Variants in RAB11FIP4 observed in about 807,000 individuals in gnomAD.
RAB11FIP4 encodes the protein rab11 family-interacting protein 4.
RAB11FIP4 carries 23 observed loss-of-function variants against 74.3 expected under a neutral mutation model. The ratio of observed to expected loss-of-function variants is 0.31; its 90% CI spans 0.22 to 0.44. The LOEUF (loss-of-function observed/expected upper bound fraction) is 0.44, where lower values mean the gene tolerates loss of function less well. Among genes scored for constraint, RAB11FIP4 ranks in the 20% least tolerant of loss-of-function variants. The probability of loss-of-function intolerance (pLI) is 1.00; values close to 1 mark genes in which losing one functional copy is unlikely to be tolerated. For missense variants in RAB11FIP4, 630 were observed against 863.9 expected, an observed-to-expected ratio of 0.73 and a Z score of 3.39; for synonymous variants, 360 against 359.9, an observed-to-expected ratio of 1.00 and a Z score of 0.00.
chr17:31,396,193 A>AAAAAAAAAG (rs1232681689), intron 1 of RAB11FIP4, among the ~76,000 whole-genome samples: 1 of 124,762 alleles, frequency 8.0e-6, no homozygotes, highest in African/African-American at 2.5e-5. Flanking sequence ...CAAAAAAAAA[A>AAAAAAAAAG]AAAAGAAAAG....
chr17:31,421,918 G>A (rs1255153766), intron 1 of RAB11FIP4, among the ~76,000 whole-genome samples: 2 of 152,184 alleles, frequency 1.3e-5, no homozygotes, highest in Non-Finnish European at 1.5e-5. Flanking sequence ...TGTGGCTCAT[G>A]CCTGTAATCC....
At chr17:31,421,401 T>C (rs747738438) in intron 1 of RAB11FIP4, among the ~76,000 whole-genome samples, 8 of 151,826 alleles carry the variant, frequency 5.3e-5, no homozygotes, top group Non-Finnish European at 1.0e-4. Context: ...GTATTGTTAG[T>C]AGAGATGGGG....
chr17:31,467,359 T>C (rs2071695662), intron 3 of RAB11FIP4, among the ~76,000 whole-genome samples: 1 of 152,144 alleles, frequency 6.6e-6, no homozygotes, highest in South Asian at 2.1e-4. Flanking sequence ...CCTCAGGTGA[T>C]CTGCCCGCCT....
At chr17:31,491,027 G>T (rs372957915) in intron 3 of RAB11FIP4, among the ~76,000 whole-genome samples, 1 of 152,218 alleles carries the variant, frequency 6.6e-6, no homozygotes, top group Non-Finnish European at 1.5e-5. Context: ...CACTGGCCTC[G>T]AAGATCAATG....
At chr17:31,418,661 T>C (rs2071171075) in intron 1 of RAB11FIP4, among the ~76,000 whole-genome samples, 1 of 152,048 alleles carries the variant, frequency 6.6e-6, no homozygotes, top group Non-Finnish European at 1.5e-5. Flanking sequence ...GACAGGGTTT[T>C]GCCATGTTGC....
intron 1 of RAB11FIP4, among the ~76,000 whole-genome samples, chr17:31,404,157 T>C (rs1056092660): frequency 3.3e-5 from 5 of 152,242 alleles, no homozygotes; most frequent in African/African-American, 1.2e-4. Context: ...CCAGGCTGTG[T>C]GGGGCTGAGT....
intron 3 of RAB11FIP4, among the ~76,000 whole-genome samples, chr17:31,439,787 TTTTGTTTG>T (rs983386327): frequency 4.6e-5 from 7 of 151,998 alleles, no homozygotes; most frequent in African/African-American, 1.2e-4. Flanking sequence ...ATTTTTGTTT[TTTTGTTTG>T]TTTGTTTGTT....
chr17:31,415,630 C>T (rs948020280), intron 1 of RAB11FIP4, among the ~76,000 whole-genome samples: 2 of 152,170 alleles, frequency 1.3e-5, no homozygotes, highest in Non-Finnish European at 2.9e-5. Context: ...TAATGTTATC[C>T]AGTGCTGTCA....
rs373064044 is a variant in RAB11FIP4, at chr17:31,406,813, C to G, written c.159+14802C>G. 3.9e-5 allele frequency among the ~76,000 whole-genome samples: 6 copies of G among 152,164 alleles called. No individual in the cohort carries two copies. In the East Asian group the frequency reaches 9.6e-4, roughly 24 times the overall value. ...TTCTTGCTCTGTTGCTTTCCTCTTTCTCTCTGTTAATCATATCTTATTGCT... is the reference window on the plus strand; with the variant it reads ...TTCTTGCTCTGTTGCTTTCCTCTTTGTCTCTGTTAATCATATCTTATTGCT... On this transcript the variant is annotated intron_variant, in intron 1 of 14. Transcript: ENST00000621161.
At position 31,523,521 on chromosome 17, in the gene RAB11FIP4, G is replaced by T; in HGVS notation, c.939G>T (p.Met313Ile). 6.2e-7 allele frequency: 1 copy of T among 1,613,804 alleles called. No individual in the cohort carries two copies. Among genetic ancestry groups the T allele is most frequent in the Non-Finnish European group, 8.5e-7 (1 of 1,179,766 alleles). The change falls in exon 8 of 15, where the codon ATG becomes ATT. Residue 313 changes from methionine (M) to isoleucine (I), a missense_variant. Physicochemically the swap from Met to Ile is conservative, Grantham distance 10. Coordinates refer to ENST00000621161, the MANE Select transcript of RAB11FIP4 (RefSeq NM_032932.6). ...ISSTAFGRQL[M>I]HSSNFSSSNG... ...CCTCCCACCCCTGCAGGCAGCTCAT[G>T]CACAGCAGCAACTTCAGCAGCAGCA...
In RAB11FIP4 at chr17:31,522,367, C is replaced by G; in HGVS notation, c.901C>G (p.Arg301Gly). 1 of 1,614,002 alleles carries G rather than the reference C, an allele frequency of 6.2e-7. No individual in the cohort carries two copies. Among genetic ancestry groups the G allele is most frequent in the Non-Finnish European group, 8.5e-7 (1 of 1,179,930 alleles). Reference sequence around the variant, plus strand: ...TTTCCTTTCTCTCTCTAGCCCCAACCGAAAGATCTCCAGCACGGCCTTTGG... The same window carrying G: ...TTTCCTTTCTCTCTCTAGCCCCAACGGAAAGATCTCCAGCACGGCCTTTGG... ...LKNLKANSPN[R>G]KISSTAFGRQ... The change falls in exon 7 of 15, where the codon CGA (arginine) becomes GGA (glycine). Residue 301 changes from arginine to glycine, a missense_variant. By Grantham distance (125) the Arg-to-Gly change is moderately radical. Coordinates refer to ENST00000621161, the MANE Select transcript of RAB11FIP4 (RefSeq NM_032932.6).
intron 3 of RAB11FIP4, among the ~76,000 whole-genome samples, chr17:31,439,703 C>A (rs1310684333): frequency 6.6e-6 from 1 of 152,198 alleles, no homozygotes; most frequent in Non-Finnish European, 1.5e-5. Flanking sequence ...CTCTGCCTCC[C>A]GGGCTCAAGC....
intron 3 of RAB11FIP4, among the ~76,000 whole-genome samples, chr17:31,489,883 A>T (rs867485106): frequency 6.6e-6 from 1 of 152,110 alleles, no homozygotes; most frequent in African/African-American, 2.4e-5. Flanking sequence ...GACTAAGGCC[A>T]GTAGAAGAGA....
chr17:31,418,627 C>T (rs965191700), intron 1 of RAB11FIP4, among the ~76,000 whole-genome samples: 7 of 151,716 alleles, frequency 4.6e-5, no homozygotes, highest in African/African-American at 1.7e-4. Flanking sequence ...CCACACCTGG[C>T]TAATTTTGTT....
At position 31,528,699 on chromosome 17, in the gene RAB11FIP4, G is replaced by C; in HGVS notation, c.1574G>C (p.Ser525Thr). The change falls in exon 13 of 15, where the codon AGT becomes ACT. Residue 525 changes from serine to threonine, a missense_variant. Transcript: ENST00000621161. ...TGCGAGCGGCCAGGCAGGGGCCGCA[G>C]TGCCTCCTCTGGCCTAGGCGAGTTC... ...LDCERPGRGR[S>T]ASSGLGEFNA... is the part of the protein sequence containing the mutation. 6.2e-7 allele frequency: 1 copy of C among 1,612,592 alleles called. No homozygotes were observed. Among genetic ancestry groups the C allele is most frequent in the Non-Finnish European group, 8.5e-7 (1 of 1,179,672 alleles).
rs552615564 is a variant in RAB11FIP4 at position 31,531,853 on chromosome 17, C to T, written c.*121C>T. On this transcript the variant is annotated 3_prime_UTR_variant, in exon 15 of 15. Transcript: ENST00000621161. ...TGTAAATGTCTCTCTGGCCACCATG[C>T]GTTACGTGTACCCGTGTATATGTGG... 47 of 706,526 alleles carry T rather than the reference C, an allele frequency of 6.7e-5. No individual in the cohort carries two copies. The highest frequency in any genetic ancestry group is 3.2e-4 in the Middle Eastern group (1 of 3,170). 43.8% of individuals were successfully genotyped at this position (706,526 alleles called of 1,614,324 possible). A position where few individuals can be genotyped will look rare whatever the true frequency, so the allele number is the denominator to read the frequency against.
intron 3 of RAB11FIP4, among the ~76,000 whole-genome samples, chr17:31,504,105 G>A (rs2072271035): frequency 1.4e-5 from 2 of 145,910 alleles, no homozygotes; most frequent in Non-Finnish European, 3.0e-5. Flanking sequence ...ATTTTTTCAT[G>A]TTTCCATATA....
intron 3 of RAB11FIP4, among the ~76,000 whole-genome samples, chr17:31,467,491 G>A (rs567555940): frequency 3.4e-4 from 51 of 152,236 alleles, no homozygotes; most frequent in African/African-American, 1.1e-3. Flanking sequence ...CCTGCCCTCA[G>A]TCTTTCTCTC....
intron 1 of RAB11FIP4, among the ~76,000 whole-genome samples, chr17:31,410,335 TG>T (rs1304605520): frequency 6.6e-6 from 1 of 152,008 alleles, no homozygotes; most frequent in African/African-American, 2.4e-5. Context: ...ATGAGGATGA[TG>T]ATGATGATGA....
Sources: gnomAD v4.1 joint callset for allele counts (sites outside exome capture counted in the v4.1 genomes callset) on GRCh38, gnomAD v4.1.1 for gene constraint, MANE v1.5 for transcripts, NCBI Gene and HGNC (gene_info 2026-07-23, HGNC 2026-07-21) for gene names.